The following TCF12 variants were observed in gnomAD, a reference collection of about 807,000 sequenced individuals.
TCF12 encodes transcription factor 12, also known as DNA-binding protein HTF4.
Under a neutral mutation model 86.0 loss-of-function variants are expected in TCF12, and 45 were observed. The observed-to-expected ratio is 0.52, with a 90% CI of 0.41 to 0.67. The LOEUF (loss-of-function observed/expected upper bound fraction) is 0.67. Among genes scored for constraint, TCF12 ranks in the 30% least tolerant of loss-of-function variants. The pLI, the probability that TCF12 is intolerant of heterozygous loss-of-function variation, is 0.00. For synonymous variants in TCF12, 330 were observed against 299.6 expected (o/e 1.10, Z -1.05); for missense variants, 881 against 859.9 (o/e 1.02, Z -0.31).
chr15:57,159,894 A>G (rs2054375792), intron 5 of TCF12, among the ~76,000 whole-genome samples: 2 of 152,206 alleles, frequency 1.3e-5, no homozygotes, highest in Non-Finnish European at 2.9e-5. Flanking sequence ...AATAGTATCT[A>G]TTCATTGAAA....
intron 16 of TCF12, among the ~76,000 whole-genome samples, chr15:57,254,392 C>A (rs770322420): frequency 2.0e-5 from 3 of 152,152 alleles, no homozygotes; most frequent in Non-Finnish European, 4.4e-5. Flanking sequence ...GTAAACGTCA[C>A]ACAAGGCTGC....
chr15:57,015,432 A>G (rs1444427376), intron 3 of TCF12, among the ~76,000 whole-genome samples: 1 of 152,206 alleles, frequency 6.6e-6, no homozygotes, highest in African/African-American at 2.4e-5. Context: ...CTTCCATGCA[A>G]AATAGCTGTC....
At chr15:56,993,873 A>ATC (rs1342344115) in intron 3 of TCF12, among the ~76,000 whole-genome samples, 1 of 152,242 alleles carries the variant, frequency 6.6e-6, no homozygotes, top group African/African-American at 2.4e-5. Flanking sequence ...TAGCTAACAT[A>ATC]TGAAGAACAA....
At chr15:57,208,033 CTTTTT>C (rs201258233) in intron 8 of TCF12, among the ~76,000 whole-genome samples, 2 of 137,108 alleles carry the variant, frequency 1.5e-5, no homozygotes, top group African/African-American at 5.5e-5. Flanking sequence ...CTTCAAGATT[CTTTTT>C]TTTTTTTTTT....
At chr15:57,184,022 ATAAT>A (rs1368556188) in intron 6 of TCF12, among the ~76,000 whole-genome samples, 2 of 152,168 alleles carry the variant, frequency 1.3e-5, no homozygotes, top group African/African-American at 4.8e-5. Context: ...CTTTGAAGAA[ATAAT>A]TCACTGGCTA....
chr15:57,065,627 C>G lies in TCF12; in HGVS notation c.222+1804C>G, dbSNP rs113176366. Among the ~76,000 whole-genome samples the G allele has an allele frequency of 2.1e-4, 28 of 133,674 alleles. 4 individuals are homozygous for G. The highest frequency in any genetic ancestry group is 7.6e-4 in the African/African-American group (28 of 36,706). 87.7% of individuals were successfully genotyped at this position (133,674 alleles called of 152,430 possible). On this transcript the variant is annotated intron_variant, in intron 4 of 20. Transcript: ENST00000333725. ...CTTTCAGGCTTTCTTCACCGCCCCG[C>G]CCCCCCACCACCCCCCTTGAGTGCT...
chr15:57,060,490 T>C (rs759188516), intron 3 of TCF12, among the ~76,000 whole-genome samples: 3 of 152,190 alleles, frequency 2.0e-5, no homozygotes, highest in Non-Finnish European at 2.9e-5. Context: ...TGAATAGAAA[T>C]GGAAAAAATT....
At chr15:56,941,991 C>G (rs1466841533) in intron 3 of TCF12, among the ~76,000 whole-genome samples, 1 of 152,138 alleles carries the variant, frequency 6.6e-6, no homozygotes, top group African/African-American at 2.4e-5. Context: ...TGGTTTACCT[C>G]TGAAATATAG....
At chr15:56,951,963 T>C (rs1259776627) in intron 3 of TCF12, among the ~76,000 whole-genome samples, 1 of 152,134 alleles carries the variant, frequency 6.6e-6, no homozygotes, top group Admixed American at 6.5e-5. Context: ...TTTAGAACTT[T>C]TAAGATTTTC....
At chr15:57,058,559 T>G (rs1183014501) in intron 3 of TCF12, among the ~76,000 whole-genome samples, 2 of 152,202 alleles carry the variant, frequency 1.3e-5, no homozygotes, top group African/African-American at 2.4e-5. Flanking sequence ...TTCTAATCTT[T>G]CCACCGGACT....
At chr15:57,165,521 T>C in intron 5 of TCF12, among the ~76,000 whole-genome samples, 1 of 151,860 alleles carries the variant, frequency 6.6e-6, no homozygotes, top group Admixed American at 6.6e-5. Context: ...TGGTTTGAGC[T>C]ATGTCTATAC....
intron 8 of TCF12, among the ~76,000 whole-genome samples, chr15:57,198,218 C>T (rs1161618734): frequency 6.6e-6 from 1 of 152,100 alleles, no homozygotes; most frequent in Admixed American, 6.5e-5. Flanking sequence ...GTAATAATCC[C>T]AATGGAGCTA....
At chr15:57,061,153 TTC>T (rs1237852238) in intron 3 of TCF12, among the ~76,000 whole-genome samples, 1 of 152,242 alleles carries the variant, frequency 6.6e-6, no homozygotes, top group Admixed American at 6.5e-5. Flanking sequence ...TCTTTGCTTT[TTC>T]TTTATTTTAT....
intron 4 of TCF12, among the ~76,000 whole-genome samples, chr15:57,073,398 G>A (rs374141756): frequency 4.6e-5 from 7 of 152,074 alleles, no homozygotes; most frequent in Admixed American, 4.6e-4. Context: ...ATAAAAAGTA[G>A]GGTGACACTT....
intron 4 of TCF12, among the ~76,000 whole-genome samples, chr15:57,085,838 T>C (rs1015606521): frequency 6.6e-6 from 1 of 152,174 alleles, no homozygotes; most frequent in South Asian, 2.1e-4. Context: ...GGCCGATTCT[T>C]CTGGCTTTTG....
intron 5 of TCF12, among the ~76,000 whole-genome samples, chr15:57,162,333 A>C (rs2054562908): frequency 6.6e-6 from 1 of 152,194 alleles, no homozygotes; most frequent in African/African-American, 2.4e-5. Context: ...TATATGATTA[A>C]TTTTAATTCA....
chr15:57,111,869 A>G (rs2050518010), intron 5 of TCF12, among the ~76,000 whole-genome samples: 1 of 152,140 alleles, frequency 6.6e-6, no homozygotes, highest in Non-Finnish European at 1.5e-5. Flanking sequence ...CTAGGATTAC[A>G]GGCATTAGCC....
At chr15:57,059,921 G>A (rs543259214) in intron 3 of TCF12, among the ~76,000 whole-genome samples, 1 of 152,234 alleles carries the variant, frequency 6.6e-6, no homozygotes, top group East Asian at 1.9e-4. Context: ...GAGGCTGTGG[G>A]ATAGTTTTTG....
intron 3 of TCF12, among the ~76,000 whole-genome samples, chr15:56,970,028 C>T (rs1295803592): frequency 6.6e-6 from 1 of 152,158 alleles, no homozygotes; most frequent in Non-Finnish European, 1.5e-5. Flanking sequence ...TAGTCTGTCT[C>T]ATTTTGTGAA....
Sources: allele counts gnomAD v4.1 joint callset (sites outside exome capture counted in the v4.1 genomes callset), GRCh38; gene constraint gnomAD v4.1.1; transcripts MANE v1.5; gene names NCBI Gene and HGNC (gene_info 2026-07-23, HGNC 2026-07-21).